Variants in RSPH9 observed in about 807,000 individuals in gnomAD.
RSPH9 encodes radial spoke head component 9.
Under a neutral mutation model 27.0 loss-of-function variants are expected in RSPH9, and 27 were observed. The observed-to-expected ratio is 1.00, with a 90% CI of 0.74 to 1.38. The LOEUF (loss-of-function observed/expected upper bound fraction) is 1.38. Among genes scored for constraint, RSPH9 ranks in the 40% most tolerant of loss-of-function variants. The pLI is 0.00. For missense variants in RSPH9, 347 were observed against 357.4 expected, an observed-to-expected ratio of 0.97 and a Z score of 0.24; for synonymous variants, 145 against 147.7, an observed-to-expected ratio of 0.98 and a Z score of 0.13.
Position 43,672,188 on chromosome 6 carries a change from T to C in RSPH9, c.*1239T>C. On this transcript the variant is annotated 3_prime_UTR_variant, in exon 5 of 5. Transcript: ENST00000372163. ...GTAAATGTCAATGTTGGTGTGTGTT[T>C]GCTGAGGAAAAGGTGGCGAAGAGGC... The C allele has an allele frequency of 3.8e-6, 2 of 522,056 alleles. No individual in the cohort carries two copies. The highest frequency in any genetic ancestry group is 7.2e-6 in the Non-Finnish European group (2 of 278,316). 32.3% of individuals were successfully genotyped at this position (522,056 alleles called of 1,614,324 possible). A position where few individuals can be genotyped will look rare whatever the true frequency, so the allele number is the denominator to read the frequency against.
intron 4 of RSPH9, among the ~76,000 whole-genome samples, chr6:43,666,759 C>T (rs983164044): frequency 2.0e-5 from 3 of 152,186 alleles, no homozygotes; most frequent in African/African-American, 4.8e-5. Context: ...TAGATGCAGC[C>T]GTGGGTCAGG....
chr6:43,655,890 CTCTTCAG>C (rs1429384043), intron 3 of RSPH9, among the ~76,000 whole-genome samples, 199 bp downstream of exon 3: 5 of 152,166 alleles, frequency 3.3e-5, no homozygotes, highest in Non-Finnish European at 7.3e-5. Context: ...GCCCCTGACT[CTCTTCAG>C]TTTGAGGAGT....
At chr6:43,663,092 C>T (rs1253712348) in intron 4 of RSPH9, among the ~76,000 whole-genome samples, 1 of 152,188 alleles carries the variant, frequency 6.6e-6, no homozygotes, top group Non-Finnish European at 1.5e-5. Context: ...ACCACCATGC[C>T]TGGCTCTATC....
intron 4 of RSPH9, among the ~76,000 whole-genome samples, chr6:43,668,397 G>A (rs1262912844): frequency 1.3e-5 from 2 of 152,072 alleles, no homozygotes; most frequent in African/African-American, 4.8e-5. Flanking sequence ...TTTCTGGCTG[G>A]CCCTACATGC....
At chr6:43,669,233 G>A (rs1400382831) in intron 4 of RSPH9, among the ~76,000 whole-genome samples, 6 of 152,206 alleles carry the variant, frequency 3.9e-5, no homozygotes, top group African/African-American at 1.4e-4. Flanking sequence ...CCTTTGCATG[G>A]GCGATGGCAC....
chr6:43,661,201 G>A (rs1772572355), intron 4 of RSPH9, among the ~76,000 whole-genome samples: 1 of 152,194 alleles, frequency 6.6e-6, no homozygotes, highest in African/African-American at 2.4e-5. Context: ...ATAGAGCACA[G>A]GCAGAGTAGA....
In RSPH9 at chr6:43,645,107, C is replaced by A. The variant is rs1455697260; in HGVS notation, c.9C>A (p.Ala3=). 1 of 1,611,484 alleles carries A rather than the reference C, an allele frequency of 6.2e-7. No individual in the cohort carries two copies. The highest frequency in any genetic ancestry group is 8.5e-7 in the Non-Finnish European group (1 of 1,179,802). Residue 3 remains alanine, a synonymous_variant, in exon 1 of 5, where the codon GCC becomes GCA. Transcript: ENST00000372163. ...GCGGAGCCGCTGACCTGATGGACGC[C>A]GACAGCCTCCTGCTGTCTCTGGAGC... MD[A]DSLLLSLELA...
intron 4 of RSPH9, among the ~76,000 whole-genome samples, chr6:43,657,593 C>A (rs922277073): frequency 1.3e-5 from 2 of 152,128 alleles, no homozygotes; most frequent in African/African-American, 4.8e-5. Context: ...CAATAGTCAC[C>A]CACACCTCTA....
At chr6:43,665,416 A>G (rs1209950845) in intron 4 of RSPH9, among the ~76,000 whole-genome samples, 1 of 152,372 alleles carries the variant, frequency 6.6e-6, no homozygotes, top group East Asian at 1.9e-4. Context: ...AGGTGGCAGA[A>G]TCGCTTGAGC....
rs1024584329 is a variant in RSPH9, at chr6:43,650,389, A to C, written c.242A>C (p.Glu81Ala). ...RKTLYSLNCT[E>A]WSLLPPATEE... ...ATTGTTGGCAGCCTGAACTGCACAGAGTGGAGCCTCTTGCCCCCTGCCACA... is the reference window on the plus strand; with the variant it reads ...ATTGTTGGCAGCCTGAACTGCACAGCGTGGAGCCTCTTGCCCCCTGCCACA... Residue 81 changes from glutamate to alanine, a missense_variant, in exon 2 of 5, where the codon GAG becomes GCG. By Grantham distance (107) the Glu-to-Ala change is moderately radical (BLOSUM62 -1). Coordinates refer to ENST00000372163, the MANE Select transcript of RSPH9 (RefSeq NM_152732.5). The C allele has an allele frequency of 1.9e-6, 3 of 1,613,170 alleles. No individual in the cohort carries two copies. Among genetic ancestry groups the C allele is most frequent in the South Asian group, 1.1e-5 (1 of 91,030 alleles).
chr6:43,646,687 G>T (rs886363473), intron 1 of RSPH9, among the ~76,000 whole-genome samples: 2 of 150,458 alleles, frequency 1.3e-5, no homozygotes, highest in Admixed American at 6.6e-5. Flanking sequence ...AAAAGGCAGG[G>T]TGTGGTGGCT....
intron 4 of RSPH9, among the ~76,000 whole-genome samples, chr6:43,665,803 TTTTCTTTC>T (rs140728246): frequency 2.0e-5 from 3 of 151,854 alleles, no homozygotes; most frequent in East Asian, 1.9e-4. Context: ...TACTACCAGT[TTTTCTTTC>T]TTTCTTTCTT....
At position 43,671,981 on chromosome 6, in the gene RSPH9, T is replaced by G. The variant is rs868210794; in HGVS notation, c.*1032T>G. 251 of 1,455,192 alleles carry G rather than the reference T, an allele frequency of 1.7e-4. No individual in the cohort carries two copies. The African/African-American group carries it at 3.2e-3, about 18-fold the overall frequency. 90.1% of individuals were successfully genotyped at this position (1,455,192 alleles called of 1,614,324 possible). The stretch of plus-strand genomic sequence containing the variant: ...GGACGTGGGAGAGTGGAGCACTACC[T>G]CCTCAGGCCAGGCCACGGTTGGGCA... On this transcript the variant is annotated 3_prime_UTR_variant, in exon 5 of 5. Coordinates refer to ENST00000372163, the MANE Select transcript of RSPH9 (RefSeq NM_152732.5).
chr6:43,656,040 T>A (rs1389263519), intron 3 of RSPH9, among the ~76,000 whole-genome samples: 1 of 78,316 alleles, frequency 1.3e-5, no homozygotes, highest in Non-Finnish European at 2.4e-5. Flanking sequence ...TTCCTTCCCC[T>A]TCTTTCCCTT....
At position 43,655,989 on chromosome 6, in the gene RSPH9, C is replaced by T. The variant is rs1432860805; in HGVS notation, c.523+298C>T. 7.8e-5 allele frequency among the ~76,000 whole-genome samples: 3 copies of T among 38,648 alleles called. No individual in the cohort carries two copies. The East Asian group carries it at 1.4e-3, about 18-fold the overall frequency. The allele number at this position is 38,648 out of a possible 152,430, so 25.4% of individuals were successfully genotyped here. A position where few individuals can be genotyped will look rare whatever the true frequency, so the allele number is the denominator to read the frequency against. On this transcript the variant is annotated intron_variant, in intron 3 of 4. Coordinates refer to ENST00000372163, the MANE Select transcript of RSPH9 (RefSeq NM_152732.5). ...TTTTCCTATCTCCTTCCTCCTTGGA[C>T]TTCCTTCCTTCCTTCCTTCCTTCCT... is the stretch of plus-strand genomic sequence containing the variant.
chr6:43,662,113 A>G (rs1325149718), intron 4 of RSPH9, among the ~76,000 whole-genome samples: 3 of 151,934 alleles, frequency 2.0e-5, no homozygotes, highest in Non-Finnish European at 4.4e-5. Flanking sequence ...CCCTGGGCTC[A>G]AGCCATCCTC....
intron 4 of RSPH9, among the ~76,000 whole-genome samples, chr6:43,658,312 A>AAAAAAAG (rs1772250944): frequency 2.2e-5 from 3 of 133,788 alleles, no homozygotes; most frequent in Non-Finnish European, 3.2e-5. Flanking sequence ...AAAAAAAAAG[A>AAAAAAAG]AAAAAAAAAA....
chr6:43,650,487 A>G lies in RSPH9; in HGVS notation c.340A>G (p.Thr114Ala). ...MGDPSYEYEH[T>A]ELQKVNEGEK... ...GGACCCATCATACGAATATGAACAC[A>G]CTGAGCTGCAGAAGGTGAATGAAGG... Residue 114 changes from threonine (T) to alanine (A), a missense_variant, in exon 2 of 5, where the codon ACT becomes GCT. Transcript: ENST00000372163. 1.9e-6 allele frequency: 3 copies of G among 1,614,200 alleles called. No individual in the cohort carries two copies. Among genetic ancestry groups the G allele is most frequent in the Non-Finnish European group, 2.5e-6 (3 of 1,180,044 alleles).
At chr6:43,648,783 T>C (rs1771144170) in intron 1 of RSPH9, among the ~76,000 whole-genome samples, 2 of 152,098 alleles carry the variant, frequency 1.3e-5, no homozygotes, top group Admixed American at 6.6e-5. Context: ...GGATTCTGGA[T>C]ACAGACTAGG....
Sources: allele counts gnomAD v4.1 joint callset (sites outside exome capture counted in the v4.1 genomes callset), GRCh38; gene constraint gnomAD v4.1.1; transcripts MANE v1.5; gene names NCBI Gene and HGNC (gene_info 2026-07-23, HGNC 2026-07-21).